Variants in ZBTB20 observed in about 807,000 individuals in gnomAD.
The protein encoded by ZBTB20 is zinc finger and BTB domain containing 20, also known as zinc finger and BTB domain-containing protein 20.
Under a neutral mutation model 56.9 loss-of-function variants are expected in ZBTB20, and 9 were observed. That is an observed-to-expected ratio of 0.16 (90% CI 0.10 to 0.28). The LOEUF (loss-of-function observed/expected upper bound fraction) is 0.28, where lower values mean the gene tolerates loss of function less well. Ranked by LOEUF, ZBTB20 falls within the 10% of genes least tolerant of loss-of-function variation. ZBTB20 has a pLI of 1.00. For missense variants in ZBTB20, 655 were observed against 1,003.0 expected, an observed-to-expected ratio of 0.65 and a Z score of 4.69; for synonymous variants, 417 against 420.7, an observed-to-expected ratio of 0.99 and a Z score of 0.11.
chr3:115,016,741 G>A (rs2079978614), intron 2 of ZBTB20, among the ~76,000 whole-genome samples: 2 of 151,766 alleles, frequency 1.3e-5, no homozygotes, highest in South Asian at 4.1e-4. Context: ...AAGTCCAGTA[G>A]TATGATGCCT....
At chr3:114,611,353 T>G (rs1045379060) in intron 6 of ZBTB20, among the ~76,000 whole-genome samples, 2 of 152,190 alleles carry the variant, frequency 1.3e-5, no homozygotes, top group South Asian at 2.1e-4. Flanking sequence ...CACAGAGTCT[T>G]GCATATCAGA....
intron 6 of ZBTB20, among the ~76,000 whole-genome samples, chr3:114,564,476 A>C (rs1006099802): frequency 6.6e-6 from 1 of 152,130 alleles, no homozygotes; most frequent in African/African-American, 2.4e-5. Flanking sequence ...AGCTGCACAG[A>C]CATTTTTACA....
chr3:114,826,218 T>A (rs2073518210), intron 4 of ZBTB20, among the ~76,000 whole-genome samples: 1 of 151,868 alleles, frequency 6.6e-6, no homozygotes, highest in Middle Eastern at 3.4e-3. Flanking sequence ...AAATGAATCA[T>A]ACACTTTTGA....
intron 2 of ZBTB20, among the ~76,000 whole-genome samples, chr3:115,004,986 A>T (rs2079404455): frequency 6.6e-6 from 1 of 151,374 alleles, no homozygotes; most frequent in Non-Finnish European, 1.5e-5. Flanking sequence ...CAGAGTTACT[A>T]AAAGTTATGT....
chr3:114,848,439 A>G (rs373981259), intron 4 of ZBTB20, among the ~76,000 whole-genome samples: 3 of 152,188 alleles, frequency 2.0e-5, no homozygotes, highest in East Asian at 3.9e-4. Context: ...GAGCCAAATC[A>G]TGTTTACCAT....
intron 5 of ZBTB20, among the ~76,000 whole-genome samples, chr3:114,747,926 A>AAAAAC (rs2067170426): frequency 6.8e-6 from 1 of 147,528 alleles, no homozygotes; most frequent in African/African-American, 2.6e-5. Flanking sequence ...CAAAAAAAAA[A>AAAAAC]AAAAAAAAAA....
At chr3:114,539,219 C>A (rs745987498) in intron 6 of ZBTB20, among the ~76,000 whole-genome samples, 3 of 152,036 alleles carry the variant, frequency 2.0e-5, no homozygotes, top group Non-Finnish European at 4.4e-5. Context: ...GTGGCCAGAA[C>A]ATATCAATTG....
chr3:115,016,317 T>G (rs892237522), intron 2 of ZBTB20, among the ~76,000 whole-genome samples: 1 of 152,020 alleles, frequency 6.6e-6, no homozygotes, highest in African/African-American at 2.4e-5. Context: ...CTCTTTAGTT[T>G]AATTAGATCC....
chr3:114,757,379 G>A (rs1372781632), intron 5 of ZBTB20, among the ~76,000 whole-genome samples: 2 of 152,146 alleles, frequency 1.3e-5, no homozygotes, highest in Non-Finnish European at 2.9e-5. Context: ...AGCAAAAGTA[G>A]GTGGTTGCAA....
intron 2 of ZBTB20, among the ~76,000 whole-genome samples, chr3:115,049,150 T>G (rs985481955): frequency 3.9e-5 from 6 of 152,276 alleles, no homozygotes; most frequent in East Asian, 1.9e-4. Context: ...AAGTCTTCCC[T>G]GACTTGGGTT....
At chr3:114,385,601 G>A (rs1473536917) in intron 8 of ZBTB20, among the ~76,000 whole-genome samples, 1 of 152,206 alleles carries the variant, frequency 6.6e-6, no homozygotes, top group Non-Finnish European at 1.5e-5. Context: ...AGGGGTGGTA[G>A]CTCATGCCTG....
intron 3 of ZBTB20, among the ~76,000 whole-genome samples, chr3:114,924,980 C>CTTTTTTTT (rs578028983): frequency 1.0e-5 from 1 of 99,918 alleles, no homozygotes; most frequent in Non-Finnish European, 2.1e-5. Flanking sequence ...TTTGGTTCTT[C>CTTTTTTTT]TTTTTTTTTT....
In ZBTB20 at chr3:114,659,167, C is replaced by T. The variant is rs369596423; in HGVS notation, c.-295+34361G>A. ...TTCCTGTTGGTACCCAATCCTTTAACTCTAGAGGGTCAAATGGAGCCCTGT... is the reference window on the plus strand; with the variant it reads ...TTCCTGTTGGTACCCAATCCTTTAATTCTAGAGGGTCAAATGGAGCCCTGT... On this transcript the variant is annotated intron_variant, in intron 6 of 11. Coordinates refer to ENST00000675478, the MANE Select transcript of ZBTB20 (RefSeq NM_001348800.3). 9.8e-5 allele frequency among the ~76,000 whole-genome samples: 15 copies of T among 152,334 alleles called. No homozygotes were observed. In the East Asian group the frequency reaches 2.5e-3, roughly 25 times the overall value.
At chr3:114,440,463 A>T (rs1440324916) in intron 7 of ZBTB20, among the ~76,000 whole-genome samples, 1 of 152,030 alleles carries the variant, frequency 6.6e-6, no homozygotes, top group African/African-American at 2.4e-5. Flanking sequence ...TTCCTGAAAA[A>T]AATTTCACTA....
intron 6 of ZBTB20, among the ~76,000 whole-genome samples, chr3:114,642,009 A>T (rs537129259): frequency 6.6e-6 from 1 of 152,140 alleles, no homozygotes; most frequent in East Asian, 1.9e-4. Context: ...TAAATTGACT[A>T]TTCTGAGAAT....
intron 7 of ZBTB20, among the ~76,000 whole-genome samples, chr3:114,454,178 GA>G (rs2091844657): frequency 5.3e-5 from 2 of 37,994 alleles, no homozygotes. Context: ...AGAGAAGGGA[GA>G]GAGAGAGAGA....
chr3:114,409,576 C>A (rs918371772), intron 7 of ZBTB20, among the ~76,000 whole-genome samples: 2 of 151,970 alleles, frequency 1.3e-5, no homozygotes, highest in Non-Finnish European at 2.9e-5. Context: ...TCGGCACTTC[C>A]CCCGTAGACA....
chr3:114,442,783 A>C (rs770657449), intron 7 of ZBTB20, among the ~76,000 whole-genome samples: 3 of 152,106 alleles, frequency 2.0e-5, no homozygotes, highest in Non-Finnish European at 4.4e-5. Flanking sequence ...ATACATACTC[A>C]GAGTCCACTT....
intron 6 of ZBTB20, among the ~76,000 whole-genome samples, chr3:114,562,701 TC>T (rs1354865868): frequency 3.9e-5 from 6 of 152,202 alleles, no homozygotes; most frequent in Non-Finnish European, 8.8e-5. Context: ...ACGTGACTGT[TC>T]CTTTCACTTG....
Sources: allele counts gnomAD v4.1 joint callset (sites outside exome capture counted in the v4.1 genomes callset), GRCh38; gene constraint gnomAD v4.1.1; transcripts MANE v1.5; gene names NCBI Gene and HGNC (gene_info 2026-07-23, HGNC 2026-07-21).